The following SYNE2 variants were observed in gnomAD, a reference collection of about 807,000 sequenced individuals.
SYNE2 encodes the protein spectrin repeat containing nuclear envelope protein 2.
A neutral mutation model predicts 856.3 loss-of-function variants in SYNE2; 431 were observed. The ratio of observed to expected loss-of-function variants is 0.50; its 90% confidence interval spans 0.47 to 0.55. The LOEUF (loss-of-function observed/expected upper bound fraction) is 0.55. Among genes scored for constraint, SYNE2 ranks in the 20% least tolerant of loss-of-function variants. The pLI, the probability that SYNE2 is intolerant of heterozygous loss-of-function variation, is 0.00. For missense variants in SYNE2, 8,129 were observed against 8,023.2 expected, an observed-to-expected ratio of 1.01 and a Z score of -0.50; for synonymous variants, 2,923 against 2,872.3, an observed-to-expected ratio of 1.02 and a Z score of -0.56.
In SYNE2 at chr14:64,225,369, G is replaced by T. The variant is rs756327978; in HGVS notation, c.20567G>T (p.Arg6856Leu). Residue 6856 changes from arginine (R) to leucine (L), a missense_variant, in exon 116 of 116, where the codon CGG becomes CTG. Transcript: ENST00000555002. Reference sequence around the variant, plus strand: ...CGCTCCTTCCTCTCAAGGGTGGTCCGGGCAGCCCTACCCCTGCAGCTGCTC... The same window carrying T: ...CGCTCCTTCCTCTCAAGGGTGGTCCTGGCAGCCCTACCCCTGCAGCTGCTC... ...PQRSFLSRVV[R>L]AALPLQLLLL... 6.2e-7 allele frequency: 1 copy of T among 1,613,998 alleles called. No homozygotes were observed. The highest frequency in any genetic ancestry group is 8.5e-7 in the Non-Finnish European group (1 of 1,179,982).
intron 1 of SYNE2, among the ~76,000 whole-genome samples, chr14:63,897,660 T>C (rs1246499729): frequency 6.6e-6 from 1 of 152,218 alleles, no homozygotes; most frequent in Non-Finnish European, 1.5e-5. Flanking sequence ...CAGCCGGTGC[T>C]GTTCTGGCCT....
chr14:63,935,730 T>A (rs1338785218), intron 2 of SYNE2, among the ~76,000 whole-genome samples: 1 of 152,110 alleles, frequency 6.6e-6, no homozygotes, highest in Admixed American at 6.5e-5. Context: ...ACATTATTAT[T>A]AGGTTGAGTG....
chr14:64,032,291 C>G lies in SYNE2; in HGVS notation c.7221+934C>G, dbSNP rs112208567. The stretch of plus-strand genomic sequence containing the variant: ...GTTAGATATTGCTAAGGAAATGTGT[C>G]AGGCCGGGCATGGTGGCTCACATCT... On this transcript the variant is annotated intron_variant, in intron 45 of 115. Coordinates refer to ENST00000555002, the MANE Select transcript of SYNE2 (RefSeq NM_182914.3). Among the ~76,000 whole-genome samples the G allele has an allele frequency of 4.9e-3, 742 of 152,238 alleles. 4 individuals carry two copies. The highest frequency in any genetic ancestry group is 0.016 in the African/African-American group (685 of 41,530).
chr14:64,207,991 A>C (rs1252691838), intron 100 of SYNE2: 2 of 455,974 alleles, frequency 4.4e-6, no homozygotes, highest in East Asian at 1.4e-4. Context: ...ATATTATCTG[A>C]TGATGACTAA....
At chr14:64,081,181 G>T (rs2097520453) in intron 56 of SYNE2, among the ~76,000 whole-genome samples, 1 of 152,180 alleles carries the variant, frequency 6.6e-6, no homozygotes, top group Non-Finnish European at 1.5e-5. Flanking sequence ...CAGAATACTT[G>T]CAAGGCTAAC....
rs758219930 is a variant in SYNE2, at chr14:64,025,131, G to C, written c.5962G>C (p.Glu1988Gln). 1 of 1,613,936 alleles carries C rather than the reference G, an allele frequency of 6.2e-7. No homozygotes were observed. Among genetic ancestry groups the C allele is most frequent in the East Asian group, 2.2e-5 (1 of 44,868 alleles). Residue 1988 changes from glutamate to glutamine, a missense_variant and splice_region_variant, in exon 41 of 116, where the codon GAA (glutamate) becomes CAA (glutamine). By Grantham distance (29) the Glu-to-Gln change is conservative (BLOSUM62 2). Around this residue, in one of 3 missense-constraint regions of SYNE2, gnomAD observed 2,422 missense variants for 2,357.4 expected, o/e 1.03. Coordinates refer to ENST00000555002, the MANE Select transcript of SYNE2 (RefSeq NM_182914.3). ...TTAAGTGGTATTTGGAATTTACAGG[G>C]AACAGTTTGAATCTGTGGCCCAATT... Reference protein sequence around the residue: ...LFCQALARKREQFESVAQLNN... With the variant: ...LFCQALARKRQQFESVAQLNN...
intron 2 of SYNE2, among the ~76,000 whole-genome samples, chr14:63,913,258 A>G (rs936884397): frequency 6.6e-6 from 1 of 151,584 alleles, no homozygotes; most frequent in African/African-American, 2.4e-5. Context: ...TTATGGGTAG[A>G]TATTTATGTT....
At chr14:63,932,523 A>G (rs1291408401) in intron 2 of SYNE2, among the ~76,000 whole-genome samples, 1 of 151,900 alleles carries the variant, frequency 6.6e-6, no homozygotes, top group Non-Finnish European at 1.5e-5. Flanking sequence ...CCTGGGCAAC[A>G]TGGCAAAACC....
In SYNE2 at chr14:64,134,127, T is replaced by C; in HGVS notation, c.14573T>C (p.Ile4858Thr). The change falls in exon 78 of 116, where the codon ATA becomes ACA. Residue 4858 changes from isoleucine (I) to threonine (T), a missense_variant. Transcript: ENST00000555002. ...CTTGAAAAGGACCTGGAAATTCTTA[T>C]ATCTACATTGCCCTCTGTGAGTTTG... ...ASLEKDLEIL[I>T]STLPSVSLVE... 1 of 1,614,044 alleles carries C rather than the reference T, an allele frequency of 6.2e-7. No homozygotes were observed. The highest frequency in any genetic ancestry group is 2.2e-5 in the East Asian group (1 of 44,872).
chr14:64,025,107 T>A (rs986900931), intron 40 of SYNE2, 23 bp from the exon 41 acceptor site: 7 of 1,613,940 alleles, frequency 4.3e-6, no homozygotes, highest in Admixed American at 1.7e-5. Context: ...CTATAAACTT[T>A]AAGTGGTATT....
At position 63,995,158 on chromosome 14, in the gene SYNE2, C is replaced by A; in HGVS notation, c.2896C>A (p.Leu966Ile). The A allele has an allele frequency of 6.2e-7, 1 of 1,605,898 alleles. No homozygotes were observed. The highest frequency in any genetic ancestry group is 8.5e-7 in the Non-Finnish European group (1 of 1,176,138). The change falls in exon 23 of 116, where the codon CTT (leucine) becomes ATT (isoleucine). Residue 966 changes from leucine to isoleucine, a missense_variant. This residue lies in a region of SYNE2 where 2,422 missense variants were observed against 2,357.4 expected (regional missense o/e 1.03). Coordinates refer to ENST00000555002, the MANE Select transcript of SYNE2 (RefSeq NM_182914.3). ...LEKQINKEKK[L>I]IRRGRTKGLI... is the part of the protein sequence containing the mutation. ...AAAGCAAATAAATAAAGAAAAGAAACTTATCCGTAGAGGAAGGACCAAGGG... is the reference window on the plus strand; with the variant it reads ...AAAGCAAATAAATAAAGAAAAGAAAATTATCCGTAGAGGAAGGACCAAGGG...
intron 1 of SYNE2, among the ~76,000 whole-genome samples, chr14:63,860,116 A>C (rs1400932951): frequency 6.6e-6 from 1 of 152,134 alleles, no homozygotes; most frequent in East Asian, 1.9e-4. Flanking sequence ...TTGGCCTCCC[A>C]AAGTACTAGG....
chr14:64,123,850 A>G (rs1405176851), intron 70 of SYNE2, among the ~76,000 whole-genome samples: 1 of 151,816 alleles, frequency 6.6e-6, no homozygotes, highest in Non-Finnish European at 1.5e-5. Context: ...TTATTACTAA[A>G]CTGAAAGATT....
intron 29 of SYNE2, 49 bp downstream of exon 29, chr14:64,002,130 T>C (rs773414886): frequency 3.5e-6 from 5 of 1,425,354 alleles, no homozygotes; most frequent in Non-Finnish European, 4.0e-6. Flanking sequence ...TCGAGTCTTT[T>C]GAGATTTATA....
chr14:64,098,668 T>C, intron 62 of SYNE2, 79 bp from the exon 63 acceptor site: 1 of 1,489,750 alleles, frequency 6.7e-7, no homozygotes, highest in Non-Finnish European at 9.3e-7. Flanking sequence ...ATTAGCTACA[T>C]AAAAATGCAG....
rs770309371 is a variant in SYNE2, at chr14:64,162,152, A to G, written c.16175A>G (p.Asn5392Ser). ...SLLQLWKAYS[N>S]AHGEAAARLK... is the part of the protein sequence containing the mutation. ...CTCCAGCTCTGGAAGGCCTATAGCAATGCTCATGGTGAAGCTGCCGCAAGG... is the reference window on the plus strand; with the variant it reads ...CTCCAGCTCTGGAAGGCCTATAGCAGTGCTCATGGTGAAGCTGCCGCAAGG... The change falls in exon 88 of 116, where the codon AAT becomes AGT. Residue 5392 changes from asparagine (N) to serine (S), a missense_variant. Asn to Ser is a conservative substitution (Grantham distance 46). This residue lies in a region of SYNE2 where 5,410 missense variants were observed against 5,284.8 expected (regional missense o/e 1.02). Coordinates refer to ENST00000555002, the MANE Select transcript of SYNE2 (RefSeq NM_182914.3). The G allele has an allele frequency of 2.5e-6, 4 of 1,614,244 alleles. No individual in the cohort carries two copies. The East Asian group carries it at 6.7e-5, about 27-fold the overall frequency.
intron 66 of SYNE2, among the ~76,000 whole-genome samples, chr14:64,117,319 T>G (rs927405741): frequency 5.3e-5 from 8 of 152,162 alleles, no homozygotes; most frequent in African/African-American, 1.9e-4. Context: ...ATATTAGAGT[T>G]AACAGGGTCT....
intron 2 of SYNE2, among the ~76,000 whole-genome samples, chr14:63,922,876 G>T (rs190317634): frequency 6.6e-6 from 1 of 152,218 alleles, no homozygotes; most frequent in Admixed American, 6.5e-5. Context: ...TAATTTGCTG[G>T]CATTCCAAAA....
At chr14:64,184,343 T>TGG (rs1375885628) in intron 96 of SYNE2, among the ~76,000 whole-genome samples, 2 of 151,282 alleles carry the variant, frequency 1.3e-5, no homozygotes, top group African/African-American at 4.9e-5. Context: ...TGTGTGTGTG[T>TGG]GTGTGTGTGT....
Sources: gnomAD v4.1 joint callset for allele counts (sites outside exome capture counted in the v4.1 genomes callset) on GRCh38, gnomAD v4.1.1 for gene constraint, gnomAD v4.1.1 regional missense constraint, MANE v1.5 for transcripts, NCBI Gene and HGNC (gene_info 2026-07-23, HGNC 2026-07-21) for gene names.